PPIE: variants seen among roughly 807,000 people sequenced by gnomAD.
PPIE encodes peptidyl-prolyl cis-trans isomerase E.
PPIE carries 20 observed loss-of-function variants against 38.4 expected under a neutral mutation model. The observed-to-expected ratio is 0.52, with a 90% CI of 0.37 to 0.76. The LOEUF (loss-of-function observed/expected upper bound fraction) is 0.76, where lower values mean the gene tolerates loss of function less well. Ranked by LOEUF, PPIE falls within the 30% of genes least tolerant of loss-of-function variation. The probability of loss-of-function intolerance (pLI) is 0.00; values close to 1 mark genes in which losing one functional copy is unlikely to be tolerated. For synonymous variants in PPIE, 142 were observed against 135.7 expected, an observed-to-expected ratio of 1.05 and a Z score of -0.32; for missense variants, 322 against 385.8, an observed-to-expected ratio of 0.83 and a Z score of 1.39.
intron 8 of PPIE, among the ~76,000 whole-genome samples, chr1:39,750,424 G>A (rs1403796050): frequency 6.6e-6 from 1 of 152,180 alleles, no homozygotes; most frequent in African/African-American, 2.4e-5. Flanking sequence ...TACAGGTTGA[G>A]TGTCCCTTTC....
At position 39,755,057 on chromosome 1, in the gene PPIE, G is replaced by C; in HGVS notation, c.*1702G>C. 1 of 985,472 alleles carries C rather than the reference G, an allele frequency of 1.0e-6. No individual in the cohort carries two copies. The highest frequency in any genetic ancestry group is 1.2e-6 in the Non-Finnish European group (1 of 829,946). The allele number at this position is 985,472 out of a possible 1,614,324, so 61.0% of individuals were successfully genotyped here. A position where few individuals can be genotyped will look rare whatever the true frequency, so the allele number is the denominator to read the frequency against. Reference sequence around the variant, plus strand: ...GGTCCCACCCCCTGCTGAGCTCACAGTCTGGCTCTCCTGTGTGCAGCCACT... The same window carrying C: ...GGTCCCACCCCCTGCTGAGCTCACACTCTGGCTCTCCTGTGTGCAGCCACT... On this transcript the variant is annotated 3_prime_UTR_variant, in exon 10 of 10. Transcript: ENST00000324379.
At chr1:39,763,550 C>T in intron 9 of PPIE, 1 of 1,092,506 alleles carries the variant, frequency 9.2e-7, no homozygotes, top group Non-Finnish European at 1.3e-6. Context: ...AAAAAAAAAA[C>T]CCTTTCTCAC....
intron 1 of PPIE, 48 bp downstream of exon 1, chr1:39,738,979 A>G (rs1646990025): frequency 2.1e-6 from 3 of 1,410,854 alleles, no homozygotes; most frequent in Non-Finnish European, 1.9e-6. Context: ...CGCGACCCCC[A>G]AGGGTCGGGG....
Position 39,753,541 on chromosome 1 carries a change from C to T in PPIE, c.*186C>T. On this transcript the variant is annotated 3_prime_UTR_variant, in exon 10 of 10. Transcript: ENST00000324379. ...GCACAGCCTGGACTATTCCCAGGCA[C>T]AGCTGTGGGCCCAGGAGCCAGCTCA... 1 of 1,402,594 alleles carries T rather than the reference C, an allele frequency of 7.1e-7. No homozygotes were observed. The highest frequency in any genetic ancestry group is 9.2e-7 in the Non-Finnish European group (1 of 1,084,114). 86.9% of individuals were successfully genotyped at this position (1,402,594 alleles called of 1,614,324 possible).
At position 39,753,192 on chromosome 1, in the gene PPIE, G is replaced by A. The variant is rs78412389; in HGVS notation, c.838-95G>A. ...GAGGGGCTGCTGCTGCCCAGGTTCCGGGGTGGAAGTGGGCAAATGGGCAGG... is the reference window on the plus strand; with the variant it reads ...GAGGGGCTGCTGCTGCCCAGGTTCCAGGGTGGAAGTGGGCAAATGGGCAGG... On this transcript the variant is annotated intron_variant, in intron 9 of 9. Coordinates refer to ENST00000324379, the MANE Select transcript of PPIE (RefSeq NM_006112.4). 2.4e-3 allele frequency: 3,866 copies of A among 1,587,532 alleles called. 92 individuals are homozygous for A. In the African/African-American group the frequency reaches 0.046, roughly 19 times the overall value.
At position 39,756,116 on chromosome 1, in the gene PPIE, C is replaced by T; in HGVS notation, c.*2761C>T. On this transcript the variant is annotated 3_prime_UTR_variant, in exon 10 of 10. Coordinates refer to ENST00000324379, the MANE Select transcript of PPIE (RefSeq NM_006112.4). Reference sequence around the variant, plus strand: ...CAGAGCTGGGCAGTGGCATGCCCCACAGCCTGGCCACCTGCTTCGGCTACG... The same window carrying T: ...CAGAGCTGGGCAGTGGCATGCCCCATAGCCTGGCCACCTGCTTCGGCTACG... 1.0e-6 allele frequency: 1 copy of T among 985,458 alleles called. No homozygotes were observed. The highest frequency in any genetic ancestry group is 1.2e-6 in the Non-Finnish European group (1 of 829,940). 61.0% of individuals were successfully genotyped at this position (985,458 alleles called of 1,614,324 possible).
Position 39,753,721 on chromosome 1 carries a change from T to C in PPIE, c.*366T>C. ...CTTATATTGCTCTTCCTGCTAGTTCTTGGGAGTTGTCAGAGATTGTGTCTG... is the reference window on the plus strand; with the variant it reads ...CTTATATTGCTCTTCCTGCTAGTTCCTGGGAGTTGTCAGAGATTGTGTCTG... On this transcript the variant is annotated 3_prime_UTR_variant, in exon 10 of 10. Coordinates refer to ENST00000324379, the MANE Select transcript of PPIE (RefSeq NM_006112.4). 1.9e-6 allele frequency: 2 copies of C among 1,038,880 alleles called. No homozygotes were observed. Among genetic ancestry groups the C allele is most frequent in the Non-Finnish European group, 1.2e-6 (1 of 863,800 alleles). The allele number at this position is 1,038,880 out of a possible 1,614,324, so 64.4% of individuals were successfully genotyped here. A position where few individuals can be genotyped will look rare whatever the true frequency, so the allele number is the denominator to read the frequency against.
chr1:39,752,804 C>T (rs968524060), intron 8 of PPIE, 106 bp from the exon 9 acceptor site: 61 of 1,397,328 alleles, frequency 4.4e-5, no homozygotes, highest in Non-Finnish European at 5.7e-5. Context: ...CTGTGCATCC[C>T]CGAGTCTGAG....
rs1292720652 is a variant in PPIE at position 39,755,473 on chromosome 1, CAA to C, written c.*2121_*2122del. On this transcript the variant is annotated 3_prime_UTR_variant, in exon 10 of 10. Transcript: ENST00000324379. ...TTACCCCTCACCCCTATGGAGCTTC[CAA>C]AAGAGACCCTCCCTCAAAGCACAGC... 1.0e-6 allele frequency: 1 copy of C among 985,238 alleles called. No homozygotes were observed. Among genetic ancestry groups the C allele is most frequent in the East Asian group, 1.1e-4 (1 of 8,822 alleles). 61.0% of individuals were successfully genotyped at this position (985,238 alleles called of 1,614,324 possible).
At chr1:39,761,071 G>A (rs573001), downstream of PPIE, 90,446 of 157,598 alleles carry the variant, frequency 0.57, 26,220 homozygotes, top group Middle Eastern at 0.7. Flanking sequence ...GACTGCATCC[G>A]CCCTCAGCAC....
chr1:39,747,527 A>C (rs980722535), intron 7 of PPIE: 3 of 125,936 alleles, frequency 2.4e-5, no homozygotes, highest in African/African-American at 9.2e-5. Flanking sequence ...CAGTGGCGTG[A>C]TATTGGCTCA....
rs1178033383 is a variant in PPIE, at chr1:39,753,281, ACAAAGG to A, written c.838-4_839del. The stretch of plus-strand genomic sequence containing the variant: ...CTTACTCCCTCACTTCTATTCTGCC[ACAAAGG>A]CCCAGGGCAGCAAGGACGGGAAGCC... On this transcript the variant is annotated splice_acceptor_variant and splice_polypyrimidine_tract_variant and coding_sequence_variant and intron_variant, in exon 10 of 10. Coordinates refer to ENST00000324379, the MANE Select transcript of PPIE (RefSeq NM_006112.4). LOFTEE classifies it high-confidence loss of function. 2.5e-6 allele frequency: 4 copies of A among 1,613,910 alleles called. No individual in the cohort carries two copies. The highest frequency in any genetic ancestry group is 2.5e-6 in the Non-Finnish European group (3 of 1,179,928).
rs545706052 is a variant in PPIE at position 39,762,415 on chromosome 1, G to C, written c.838-1274G>C. The stretch of plus-strand genomic sequence containing the variant: ...CAGGAACTGGGATTCTAGGTAAAAA[G>C]TTCTAGAAGGAAGCCTCGGTGCCAG... On this transcript the variant is annotated intron_variant, in intron 9 of 9. Transcript: ENST00000356511. 1.2e-5 allele frequency: 17 copies of C among 1,412,564 alleles called. No homozygotes were observed. In the East Asian group the frequency reaches 2.0e-4, roughly 17 times the overall value. The allele number at this position is 1,412,564 out of a possible 1,614,324, so 87.5% of individuals were successfully genotyped here.
rs1302471720 is a variant in PPIE at position 39,753,322 on chromosome 1, G to A, written c.873G>A (p.Lys291=). The stretch of plus-strand genomic sequence containing the variant: ...GCAAGGACGGGAAGCCAAAGCAGAA[G>A]GTGATCATCGCCGACTGTGGGGAGT... The part of the protein sequence containing the change: ...QGSKDGKPKQ[K]VIIADCGEYV The change falls in exon 10 of 10, where the codon AAG becomes AAA. Residue 291 remains lysine (K), a synonymous_variant. Coordinates refer to ENST00000324379, the MANE Select transcript of PPIE (RefSeq NM_006112.4). The A allele has an allele frequency of 7.4e-6, 12 of 1,614,240 alleles. No individual in the cohort carries two copies. The East Asian group carries it at 1.8e-4, about 24-fold the overall frequency.
chr1:39,742,020 T>C (rs1647070755), intron 4 of PPIE, 99 bp downstream of exon 4: 2 of 1,304,034 alleles, frequency 1.5e-6, no homozygotes, highest in Non-Finnish European at 1.1e-6. Context: ...AGTTACAAGG[T>C]TGCATGGGGA....
chr1:39,760,298 T>C, downstream of PPIE: 2 of 1,464,660 alleles, frequency 1.4e-6, no homozygotes, highest in Non-Finnish European at 1.8e-6. Flanking sequence ...ATGTACGTGG[T>C]TGTGAGGGTC....
downstream of PPIE, chr1:39,759,164 GAGAAC>G (rs1366570602): frequency 3.3e-4 from 51 of 152,342 alleles, no homozygotes; most frequent in African/African-American, 1.1e-3. Context: ...AGCAGTTTCC[GAGAAC>G]AGCAGAGGCT....
chr1:39,750,755 C>A (rs1647637560), intron 8 of PPIE, among the ~76,000 whole-genome samples: 2 of 152,118 alleles, frequency 1.3e-5, no homozygotes, highest in African/African-American at 2.4e-5. Flanking sequence ...TTTTCCTGAC[C>A]CTTAAACACT....
At chr1:39,747,528 T>C (rs1647274268) in intron 7 of PPIE, 1 of 145,604 alleles carries the variant, frequency 6.9e-6, no homozygotes, top group African/African-American at 2.5e-5. Context: ...AGTGGCGTGA[T>C]ATTGGCTCAC....
Sources: gnomAD v4.1 joint callset for allele counts (sites outside exome capture counted in the v4.1 genomes callset) on GRCh38, gnomAD v4.1.1 for gene constraint, MANE v1.5 for transcripts, NCBI Gene and HGNC (gene_info 2026-07-23, HGNC 2026-07-21) for gene names.